SUCLG2: variants seen among roughly 807,000 people sequenced by gnomAD.
SUCLG2 encodes the protein succinate-CoA ligase GDP-forming subunit beta.
Under a neutral mutation model 47.9 loss-of-function variants are expected in SUCLG2, and 42 were observed. The ratio of observed to expected loss-of-function variants is 0.88; its 90% confidence interval spans 0.69 to 1.14. SUCLG2 has a LOEUF of 1.14. SUCLG2 is among the 50% of genes most tolerant of loss of function. The pLI, the probability that SUCLG2 is intolerant of heterozygous loss-of-function variation, is 0.00. For synonymous variants in SUCLG2, 195 were observed against 197.3 expected, an observed-to-expected ratio of 0.99 and a Z score of 0.10; for missense variants, 571 against 525.9, an observed-to-expected ratio of 1.09 and a Z score of -0.84.
chr3:67,444,833 C>CT, intron 9 of SUCLG2, among the ~76,000 whole-genome samples: 1 of 9,744 alleles, frequency 1.0e-4, no homozygotes. Flanking sequence ...GTCAGTCCCC[C>CT]GCCCGGCCAG....
chr3:67,558,741 T>C (rs1707227186), intron 2 of SUCLG2, among the ~76,000 whole-genome samples: 1 of 152,174 alleles, frequency 6.6e-6, no homozygotes, highest in Non-Finnish European at 1.5e-5. Flanking sequence ...AAGCAGATGA[T>C]GATTGTTAAG....
intron 10 of SUCLG2, among the ~76,000 whole-genome samples, chr3:67,387,913 A>T (rs533047868): frequency 6.6e-6 from 1 of 151,962 alleles, no homozygotes; most frequent in Non-Finnish European, 1.5e-5. Flanking sequence ...TTAGGCATTA[A>T]GGAGGATCAA....
At chr3:67,627,913 A>G (rs577602473) in intron 1 of SUCLG2, among the ~76,000 whole-genome samples, 4 of 151,992 alleles carry the variant, frequency 2.6e-5, no homozygotes, top group African/African-American at 9.7e-5. Flanking sequence ...GAGAGCTTCA[A>G]CCTCTTCCTT....
At chr3:67,398,504 T>G (rs985857243) in intron 10 of SUCLG2, among the ~76,000 whole-genome samples, 45 of 151,838 alleles carry the variant, frequency 3.0e-4, no homozygotes, top group Non-Finnish European at 5.0e-4. Flanking sequence ...TGGCAATCAT[T>G]AAAAAGTCAG....
intron 9 of SUCLG2, among the ~76,000 whole-genome samples, chr3:67,480,839 C>A (rs945962128): frequency 3.3e-5 from 5 of 152,136 alleles, no homozygotes; most frequent in African/African-American, 1.2e-4. Context: ...CAAGTGAAGA[C>A]ATACAGAGAG....
chr3:67,424,483 A>G (rs1401012832), intron 9 of SUCLG2, among the ~76,000 whole-genome samples: 1 of 152,172 alleles, frequency 6.6e-6, no homozygotes, highest in Non-Finnish European at 1.5e-5. Flanking sequence ...TCCAGTGGTA[A>G]TACAGGGATG....
At chr3:67,545,690 CCTT>C (rs1706845143) in intron 2 of SUCLG2, among the ~76,000 whole-genome samples, 1 of 151,848 alleles carries the variant, frequency 6.6e-6, no homozygotes, top group Non-Finnish European at 1.5e-5. Context: ...TTGGTTTCCT[CCTT>C]CTCTCCTTCC....
chr3:67,624,154 T>C (rs1038910995), intron 1 of SUCLG2, among the ~76,000 whole-genome samples: 4 of 152,256 alleles, frequency 2.6e-5, no homozygotes, highest in African/African-American at 7.2e-5. Context: ...ATTTACCTGA[T>C]AGCAAGAGAC....
chr3:67,575,675 A>C (rs1222487293), intron 2 of SUCLG2, among the ~76,000 whole-genome samples: 1 of 152,232 alleles, frequency 6.6e-6, no homozygotes, highest in Non-Finnish European at 1.5e-5. Context: ...AATGATACAT[A>C]AACTGCATTT....
chr3:67,476,978 G>C (rs562517299), intron 9 of SUCLG2, among the ~76,000 whole-genome samples: 42 of 152,280 alleles, frequency 2.8e-4, no homozygotes, highest in African/African-American at 9.9e-4. Flanking sequence ...TGATAACCTT[G>C]AGGAGGTCTC....
intron 1 of SUCLG2, among the ~76,000 whole-genome samples, chr3:67,619,554 C>T (rs1700695843): frequency 6.6e-6 from 1 of 152,096 alleles, no homozygotes; most frequent in South Asian, 2.1e-4. Context: ...CAGAGCTGTA[C>T]CGAATATGAG....
intron 2 of SUCLG2, among the ~76,000 whole-genome samples, chr3:67,560,418 C>T (rs930798263): frequency 6.6e-6 from 1 of 152,122 alleles, no homozygotes; most frequent in Non-Finnish European, 1.5e-5. Flanking sequence ...CTATGGCAGC[C>T]CTAGGAAATA....
chr3:67,587,640 TA>T (rs1356192701), intron 2 of SUCLG2, among the ~76,000 whole-genome samples: 1 of 152,190 alleles, frequency 6.6e-6, no homozygotes, highest in Admixed American at 6.5e-5. Context: ...TTAATTTTTA[TA>T]TTAAGACCAC....
chr3:67,413,736 T>C (rs1226275807), intron 9 of SUCLG2, among the ~76,000 whole-genome samples: 1 of 152,198 alleles, frequency 6.6e-6, no homozygotes, highest in Non-Finnish European at 1.5e-5. Context: ...TAAAGACAGA[T>C]ACACACACAG....
intron 5 of SUCLG2, 126 bp downstream of exon 5, chr3:67,520,356 A>G (rs1368768204): frequency 1.8e-5 from 24 of 1,364,266 alleles, no homozygotes; most frequent in Non-Finnish European, 2.3e-5. Context: ...AAAAGGGCTC[A>G]GCATCTTCTT....
chr3:67,400,227 T>C (rs577843786), intron 10 of SUCLG2, among the ~76,000 whole-genome samples: 101 of 151,862 alleles, frequency 6.7e-4, no homozygotes, highest in African/African-American at 2.4e-3. Flanking sequence ...TATTTATTGC[T>C]ATAAAATATA....
chr3:67,455,227 C>T (rs1704155969), intron 9 of SUCLG2, among the ~76,000 whole-genome samples: 2 of 152,012 alleles, frequency 1.3e-5, no homozygotes, highest in Admixed American at 1.3e-4. Context: ...TTTTCAAATC[C>T]ATAACTTGAA....
At chr3:67,528,937 A>C in intron 3 of SUCLG2, 150 bp downstream of exon 3, 1 of 555,524 alleles carries the variant, frequency 1.8e-6, no homozygotes, top group Non-Finnish European at 3.1e-6. Flanking sequence ...GGGCACTGCC[A>C]GAGCCCTCTA....
chr3:67,514,227 G>T, intron 6 of SUCLG2: 1 of 384,646 alleles, frequency 2.6e-6, no homozygotes. Flanking sequence ...TTAGGCACCT[G>T]TTCTTCTGGT....
Sources: allele counts gnomAD v4.1 joint callset (sites outside exome capture counted in the v4.1 genomes callset), GRCh38; gene constraint gnomAD v4.1.1; transcripts MANE v1.5; gene names NCBI Gene and HGNC (gene_info 2026-07-23, HGNC 2026-07-21).